GNG12: variants seen among roughly 807,000 people sequenced by gnomAD.
The protein encoded by GNG12 is G protein subunit gamma 12, also known as guanine nucleotide-binding protein G(I)/G(S)/G(O) subunit gamma-12.
For missense variants in GNG12, 69 were observed against 83.8 expected (o/e 0.82, Z 0.69); for synonymous variants, 28 against 29.7 (o/e 0.94, Z 0.19).
At chr1:67,779,282 G>A (rs1411766924) in intron 1 of GNG12, among the ~76,000 whole-genome samples, 1 of 152,208 alleles carries the variant, frequency 6.6e-6, no homozygotes, top group African/African-American at 2.4e-5. Context: ...ACCCCCACAT[G>A]TGAGCTTTCT....
intron 2 of GNG12, among the ~76,000 whole-genome samples, chr1:67,773,314 C>T (rs886736322): frequency 6.6e-6 from 1 of 152,160 alleles, no homozygotes; most frequent in African/African-American, 2.4e-5. Context: ...GTTCATCTTA[C>T]CAGTGCTGCC....
chr1:67,778,708 G>A (rs187438297), intron 1 of GNG12, among the ~76,000 whole-genome samples: 1 of 152,242 alleles, frequency 6.6e-6, no homozygotes, highest in East Asian at 1.9e-4. Context: ...ACTGTGAGAC[G>A]GTGACAGGGA....
At chr1:67,781,972 A>G (rs1388667439) in intron 1 of GNG12, among the ~76,000 whole-genome samples, 1 of 152,174 alleles carries the variant, frequency 6.6e-6, no homozygotes, top group Non-Finnish European at 1.5e-5. Context: ...AAATTTAAAT[A>G]CAATTAAAAA....
chr1:67,829,329 G>A (rs1271227270), intron 1 of GNG12, among the ~76,000 whole-genome samples: 1 of 152,034 alleles, frequency 6.6e-6, no homozygotes, highest in Non-Finnish European at 1.5e-5. Context: ...ATTGAGATTT[G>A]GAAGAATTAA....
intron 2 of GNG12, among the ~76,000 whole-genome samples, chr1:67,709,056 G>C (rs553676915): frequency 6.6e-6 from 1 of 152,356 alleles, no homozygotes; most frequent in East Asian, 1.9e-4. Flanking sequence ...CTTGGGTAGG[G>C]CTTGTAGCCT....
intron 1 of GNG12, among the ~76,000 whole-genome samples, chr1:67,787,000 T>G (rs1268507635): frequency 1.4e-5 from 2 of 147,242 alleles, no homozygotes; most frequent in Admixed American, 1.4e-4. Flanking sequence ...TATATATATG[T>G]GTATATCTGT....
At chr1:67,795,756 C>T (rs1186200459) in intron 1 of GNG12, among the ~76,000 whole-genome samples, 1 of 152,168 alleles carries the variant, frequency 6.6e-6, no homozygotes, top group Admixed American at 6.5e-5. Context: ...CACTTATCAG[C>T]ACAGGAGTTT....
intron 1 of GNG12, among the ~76,000 whole-genome samples, chr1:67,800,785 C>T (rs1296878392): frequency 6.6e-6 from 1 of 152,096 alleles, no homozygotes; most frequent in African/African-American, 2.4e-5. Context: ...TTCCAAATGT[C>T]AACACAATGA....
intron 2 of GNG12, among the ~76,000 whole-genome samples, chr1:67,724,421 C>T (rs1432873448): frequency 6.6e-6 from 1 of 152,188 alleles, no homozygotes; most frequent in African/African-American, 2.4e-5. Context: ...GACGAAATCT[C>T]ACTCTGTCGC....
intron 2 of GNG12, among the ~76,000 whole-genome samples, chr1:67,747,797 C>T (rs1646515699): frequency 1.3e-5 from 2 of 152,180 alleles, no homozygotes; most frequent in Non-Finnish European, 2.9e-5. Context: ...CAAAAGTCAC[C>T]ATCTCTCCTC....
At chr1:67,775,155 T>A (rs1466446897) in intron 2 of GNG12, among the ~76,000 whole-genome samples, 1 of 152,234 alleles carries the variant, frequency 6.6e-6, no homozygotes, top group African/African-American at 2.4e-5. Flanking sequence ...TTAATCATAT[T>A]TATGATTTAT....
chr1:67,792,823 T>TCAGG (rs1005764412), intron 1 of GNG12, among the ~76,000 whole-genome samples: 1 of 152,216 alleles, frequency 6.6e-6, no homozygotes, highest in African/African-American at 2.4e-5. Flanking sequence ...AGAAGGGAGT[T>TCAGG]CAGGCCCCTT....
intron 1 of GNG12, among the ~76,000 whole-genome samples, chr1:67,791,169 A>C (rs1204493204): frequency 1.4e-5 from 1 of 69,932 alleles, no homozygotes; most frequent in Non-Finnish European, 3.1e-5. Context: ...TTCCAGGAAC[A>C]ATTGTGGATA....
In GNG12 at chr1:67,766,503, A is replaced by C. The variant is rs531029158; in HGVS notation, c.-27+10955T>G. On this transcript the variant is annotated intron_variant, in intron 2 of 3. Coordinates refer to ENST00000370982, the MANE Select transcript of GNG12 (RefSeq NM_018841.6). ...TTACGGCGGAGCATAAGCAGGGCTT[A>C]ATCAGCACAACCCTGAAGGCCGGCC... is the stretch of plus-strand genomic sequence containing the variant. Among the ~76,000 whole-genome samples the C allele has an allele frequency of 6.6e-5, 10 of 152,326 alleles. No homozygotes were observed. In the East Asian group the frequency reaches 1.9e-3, roughly 29 times the overall value.
chr1:67,733,549 C>A (rs577413053), intron 2 of GNG12, among the ~76,000 whole-genome samples: 7 of 152,240 alleles, frequency 4.6e-5, no homozygotes, highest in Non-Finnish European at 1.0e-4. Flanking sequence ...ACCACCCTTG[C>A]CCATACAGAG....
At chr1:67,797,177 A>G (rs887534876) in intron 1 of GNG12, among the ~76,000 whole-genome samples, 1 of 152,214 alleles carries the variant, frequency 6.6e-6, no homozygotes, top group Non-Finnish European at 1.5e-5. Flanking sequence ...TACCTCAGCT[A>G]ACCACATTTC....
chr1:67,766,605 G>GTTTT (rs746565686), intron 2 of GNG12, among the ~76,000 whole-genome samples: 10 of 138,648 alleles, frequency 7.2e-5, no homozygotes, highest in African/African-American at 2.4e-4. Flanking sequence ...ATATGTTGGT[G>GTTTT]TTTTTTTTTT....
intron 2 of GNG12, among the ~76,000 whole-genome samples, chr1:67,774,743 C>G (rs1322630603): frequency 1.3e-5 from 2 of 152,182 alleles, no homozygotes; most frequent in Non-Finnish European, 2.9e-5. Context: ...CCTCCTCTCT[C>G]TAGAACCTTG....
intron 2 of GNG12, among the ~76,000 whole-genome samples, chr1:67,759,898 C>G (rs1646592306): frequency 1.3e-5 from 2 of 152,210 alleles, no homozygotes; most frequent in Admixed American, 1.3e-4. Flanking sequence ...TGGTGTCCCT[C>G]CAAATATTCT....
Sources: gnomAD v4.1 joint callset for allele counts (sites outside exome capture counted in the v4.1 genomes callset) on GRCh38, gnomAD v4.1.1 for gene constraint, MANE v1.5 for transcripts, NCBI Gene and HGNC (gene_info 2026-07-23, HGNC 2026-07-21) for gene names.